The following ACSF2 variants were observed in gnomAD, a reference collection of about 807,000 sequenced individuals.
The protein encoded by ACSF2 is acyl-CoA synthetase family member 2.
Under a neutral mutation model 79.3 loss-of-function variants are expected in ACSF2, and 52 were observed. The ratio of observed to expected loss-of-function variants is 0.66; its 90% CI spans 0.53 to 0.83. The LOEUF is 0.83. ACSF2 is among the 40% of genes least tolerant of loss of function. The probability of loss-of-function intolerance (pLI) is 0.00; values close to 1 mark genes in which losing one functional copy is unlikely to be tolerated. For missense variants in ACSF2, 661 were observed against 803.3 expected, an observed-to-expected ratio of 0.82 and a Z score of 2.14; for synonymous variants, 283 against 312.6, an observed-to-expected ratio of 0.91 and a Z score of 1.00.
chr17:50,465,118 G>A (rs1238077883), intron 10 of ACSF2: 1 of 663,484 alleles, frequency 1.5e-6, no homozygotes, highest in Non-Finnish European at 2.5e-6. Flanking sequence ...AATGGTGGAA[G>A]TCCTGGGCAG....
chr17:50,460,575 C>T, intron 1 of ACSF2, 102 bp from the exon 2 acceptor site: 1 of 1,063,804 alleles, frequency 9.4e-7, no homozygotes, highest in South Asian at 1.5e-5. Flanking sequence ...GTCTCTAACA[C>T]ATTGTCAGCA....
In ACSF2 at chr17:50,464,297, G is replaced by A. The variant is rs2032539395; in HGVS notation, c.1215+3G>A. 3 of 1,614,104 alleles carry A rather than the reference G, an allele frequency of 1.9e-6. No homozygotes were observed. The highest frequency in any genetic ancestry group is 1.7e-5 in the Admixed American group (1 of 60,022). On this transcript the variant is annotated splice_donor_region_variant and intron_variant, in intron 10 of 15. Transcript: ENST00000300441. ...AGATAAATATGAAGGACCTGGTGGT[G>A]AGTGGTGACTGCGGCCCGGGCTGTG...
Position 50,460,794 on chromosome 17 carries a change from A to G in ACSF2, c.246A>G (p.Ala82=). The G allele has an allele frequency of 1.2e-6, 2 of 1,612,860 alleles. No individual in the cohort carries two copies. The highest frequency in any genetic ancestry group is 2.2e-5 in the South Asian group (2 of 90,720). Reference sequence around the variant, plus strand: ...TGGGCCAGTGCCTGGAGACCACAGCACAGAGGGTCCCAGAACGAGAGGCCT... The same window carrying G: ...TGGGCCAGTGCCTGGAGACCACAGCGCAGAGGGTCCCAGAACGAGAGGCCT... ...KTVGQCLETT[A]QRVPEREALV... The change falls in exon 2 of 16, where the codon GCA becomes GCG. Residue 82 remains alanine (A), a synonymous_variant. Coordinates refer to ENST00000300441, the MANE Select transcript of ACSF2 (RefSeq NM_025149.6).
chr17:50,462,870 C>A, intron 6 of ACSF2: 1 of 578,612 alleles, frequency 1.7e-6, no homozygotes, highest in Non-Finnish European at 3.0e-6. Flanking sequence ...CCTCATTTAG[C>A]TGATGAGGAA....
Position 50,426,319 on chromosome 17 carries a change from G to T in ACSF2, c.58G>T (p.Val20Leu), listed in dbSNP as rs1176315533. The stretch of plus-strand genomic sequence containing the variant: ...GAGGCTGTGCGCCGGGAGCTCGGGG[G>T]TGCTGGGGGCCCGGGCCGCCCTCTC... Reference protein sequence around the residue: ...LGRLCAGSSGVLGARAALSRS... With the variant: ...LGRLCAGSSGLLGARAALSRS... The change falls in exon 1 of 16, where the codon GTG (valine) becomes TTG (leucine). Residue 20 changes from valine (V) to leucine (L), a missense_variant. Coordinates refer to ENST00000300441, the MANE Select transcript of ACSF2 (RefSeq NM_025149.6). 7.0e-7 allele frequency: 1 copy of T among 1,421,694 alleles called. No individual in the cohort carries two copies. Among genetic ancestry groups the T allele is most frequent in the East Asian group, 2.8e-5 (1 of 35,712 alleles). The allele number at this position is 1,421,694 out of a possible 1,614,324, so 88.1% of individuals were successfully genotyped here.
rs769759679 is a variant in ACSF2 at position 50,463,812 on chromosome 17, A to G, written c.1047-6A>G. 6 of 1,613,578 alleles carry G rather than the reference A, an allele frequency of 3.7e-6. No homozygotes were observed. The East Asian group carries it at 1.3e-4, about 36-fold the overall frequency. Reference sequence around the variant, plus strand: ...AAGCCTAATTTCGAGACCTCCTCCTATACAGAGGCACCTTCCTGTATGGTA... The same window carrying G: ...AAGCCTAATTTCGAGACCTCCTCCTGTACAGAGGCACCTTCCTGTATGGTA... On this transcript the variant is annotated splice_region_variant and splice_polypyrimidine_tract_variant and intron_variant, in intron 8 of 15. Coordinates refer to ENST00000300441, the MANE Select transcript of ACSF2 (RefSeq NM_025149.6). This position sits in a 1 kb window ranked among gnomAD's most constrained non-coding sequence, Gnocchi z 4.6.
chr17:50,471,449 G>A lies in ACSF2; in HGVS notation c.1323+314G>A, dbSNP rs2033118242. ...GCAGCCAGGGTAGCCTCAAAGAGGA[G>A]CCAGAGCACAGAGAGTTTTCCTACA... On this transcript the variant is annotated intron_variant, in intron 11 of 15. Coordinates refer to ENST00000300441, the MANE Select transcript of ACSF2 (RefSeq NM_025149.6). This position sits in a 1 kb window ranked among gnomAD's most constrained non-coding sequence, Gnocchi z 4.1. 1 of 388,706 alleles carries A rather than the reference G, an allele frequency of 2.6e-6. No homozygotes were observed. The highest frequency in any genetic ancestry group is 2.8e-5 in the South Asian group (1 of 35,416). The allele number at this position is 388,706 out of a possible 1,614,324, so 24.1% of individuals were successfully genotyped here. A position where few individuals can be genotyped will look rare whatever the true frequency, so the allele number is the denominator to read the frequency against.
At chr17:50,443,844 G>GT (rs1020122463) in intron 1 of ACSF2, among the ~76,000 whole-genome samples, 7 of 151,908 alleles carry the variant, frequency 4.6e-5, no homozygotes, top group African/African-American at 1.7e-4. Context: ...TACTTGGGGA[G>GT]TTTTTTTTAG....
chr17:50,468,166 G>T (rs769764665), intron 10 of ACSF2: 4 of 1,614,068 alleles, frequency 2.5e-6, no homozygotes, highest in Admixed American at 3.3e-5. Context: ...CCCGTAGCTT[G>T]CTCAGGGCAG....
intron 1 of ACSF2, 115 bp from the exon 2 acceptor site, chr17:50,460,562 G>T (rs2032266462): frequency 3.4e-6 from 3 of 892,610 alleles, no homozygotes; most frequent in Non-Finnish European, 5.1e-6. Flanking sequence ...AGGAAACCTA[G>T]TGGTCTCTAA....
Position 50,463,118 on chromosome 17 carries a change from G to A in ACSF2, c.793-38G>A, listed in dbSNP as rs764666578. ...CAGTGGCCCAGGGTGGGAAGGAGAT[G>A]AGAAGGAGGCCAAGCCATGCCCTGT... On this transcript the variant is annotated intron_variant, in intron 6 of 15. Coordinates refer to ENST00000300441, the MANE Select transcript of ACSF2 (RefSeq NM_025149.6). The surrounding 1 kb of genome is among the most constrained non-coding windows in gnomAD (Gnocchi z 4.6). The A allele has an allele frequency of 6.4e-7, 1 of 1,572,294 alleles. No homozygotes were observed. Among genetic ancestry groups the A allele is most frequent in the Non-Finnish European group, 8.7e-7 (1 of 1,144,246 alleles).
chr17:50,428,401 A>G (rs114444789), intron 1 of ACSF2, among the ~76,000 whole-genome samples: 2,054 of 152,140 alleles, frequency 0.014, 48 homozygotes, highest in African/African-American at 0.047. Flanking sequence ...AATTGCTCCA[A>G]CCTGGGAGGC....
rs778086500 is a variant in ACSF2 at position 50,474,160 on chromosome 17, C to A, written c.1729-39C>A. 18 of 1,612,138 alleles carry A rather than the reference C, an allele frequency of 1.1e-5. No homozygotes were observed. Among genetic ancestry groups the A allele is most frequent in the Admixed American group, 6.7e-5 (4 of 59,998 alleles). On this transcript the variant is annotated intron_variant, in intron 14 of 15. Coordinates refer to ENST00000300441, the MANE Select transcript of ACSF2 (RefSeq NM_025149.6). The surrounding 1 kb of genome is among the most constrained non-coding windows in gnomAD (Gnocchi z 4.2). The stretch of plus-strand genomic sequence containing the variant: ...CCCTACCCATACCCCTGTGAGCTTG[C>A]GCAGCCTCACGCCTTACCTCCCTCC...
intron 1 of ACSF2, among the ~76,000 whole-genome samples, chr17:50,438,723 C>T (rs1452884543): frequency 6.6e-6 from 1 of 152,034 alleles, no homozygotes; most frequent in African/African-American, 2.4e-5. Flanking sequence ...TCTGCCACCA[C>T]ACCTGGCTAA....
At chr17:50,452,688 AAAAG>A (rs367995571) in intron 1 of ACSF2, among the ~76,000 whole-genome samples, 175 of 152,274 alleles carry the variant, frequency 1.1e-3, no homozygotes, top group African/African-American at 3.9e-3. Context: ...AAAGTTAAAA[AAAAG>A]AAAGAAAGAA....
chr17:50,456,513 A>C (rs905432592), intron 1 of ACSF2, among the ~76,000 whole-genome samples: 2 of 151,652 alleles, frequency 1.3e-5, no homozygotes, highest in African/African-American at 4.8e-5. Context: ...CGGGCGGATC[A>C]CCTGAGGTCG....
At position 50,471,978 on chromosome 17, in the gene ACSF2, G is replaced by A. The variant is rs750889169; in HGVS notation, c.1324-450G>A. Among the ~76,000 whole-genome samples the A allele has an allele frequency of 1.3e-5, 2 of 152,184 alleles. No homozygotes were observed. Among genetic ancestry groups the A allele is most frequent in the African/African-American group, 2.4e-5 (1 of 41,426 alleles). On this transcript the variant is annotated intron_variant, in intron 11 of 15. Coordinates refer to ENST00000300441, the MANE Select transcript of ACSF2 (RefSeq NM_025149.6). The surrounding 1 kb of genome is among the most constrained non-coding windows in gnomAD (Gnocchi z 4.1). ...ACAGAGGCTCAGCTTTCCTTGGCAC[G>A]GTGGCCGTGGCTCTTTTCTCTACCA...
At chr17:50,467,837 A>T in intron 10 of ACSF2, 1 of 547,032 alleles carries the variant, frequency 1.8e-6, no homozygotes. Flanking sequence ...CTAGGAGGGC[A>T]GTGGTCGAGA....
intron 1 of ACSF2, among the ~76,000 whole-genome samples, chr17:50,437,840 A>G (rs1234844158): frequency 6.6e-6 from 1 of 152,192 alleles, no homozygotes; most frequent in Non-Finnish European, 1.5e-5. Context: ...ACACAATTAC[A>G]TGGAAAAATA....
Sources: gnomAD v4.1 joint callset for allele counts (sites outside exome capture counted in the v4.1 genomes callset) on GRCh38, gnomAD v4.1.1 for gene constraint, Gnocchi (gnomAD v3.1) non-coding constraint, MANE v1.5 for transcripts, NCBI Gene and HGNC (gene_info 2026-07-23, HGNC 2026-07-21) for gene names.